RTL4: variants seen among roughly 807,000 people sequenced by gnomAD.
RTL4 encodes retrotransposon Gag like 4, also known as retrotransposon Gag-like protein 4.
RTL4 carries 4 observed loss-of-function variants against 5.3 expected under a neutral mutation model. The ratio of observed to expected loss-of-function variants is 0.75; its 90% CI spans 0.37 to 1.72. The LOEUF (loss-of-function observed/expected upper bound fraction) is 1.72. Ranked by LOEUF, RTL4 falls within the 40% of genes most tolerant of loss-of-function variation. The pLI, the probability that RTL4 is intolerant of heterozygous loss-of-function variation, is 0.04. For missense variants in RTL4, 260 were observed against 227.1 expected, an observed-to-expected ratio of 1.14 and a Z score of -0.93; for synonymous variants, 98 against 87.3, an observed-to-expected ratio of 1.12 and a Z score of -0.68.
the RTL4 span, among the ~76,000 whole-genome samples, chrX:112,209,691 C>A: frequency 9.0e-6 from 1 of 111,388 alleles, no homozygotes; most frequent in East Asian, 2.8e-4. Context: ...CACGTATATA[C>A]CACTTCCATT....
the RTL4 span, among the ~76,000 whole-genome samples, chrX:112,117,213 A>G: frequency 1.8e-5 from 2 of 110,250 alleles, no homozygotes; most frequent in Non-Finnish European, 3.8e-5. Flanking sequence ...GTTATATGGT[A>G]AATACACTAT....
the RTL4 span, among the ~76,000 whole-genome samples, chrX:112,182,959 C>T: frequency 7.1e-5 from 8 of 112,022 alleles, no homozygotes; most frequent in Non-Finnish European, 1.3e-4. Flanking sequence ...AGACTAACAG[C>T]GGATCTCTGC....
the RTL4 span, among the ~76,000 whole-genome samples, chrX:112,140,318 A>C: frequency 2.7e-5 from 3 of 111,804 alleles, no homozygotes; most frequent in African/African-American, 9.8e-5. Flanking sequence ...AAATGGTATG[A>C]AAAATGAATA....
chrX:112,161,798 TTCCTTCCTTCCTTCCTTCC>T, the RTL4 span, among the ~76,000 whole-genome samples: 2 of 33,342 alleles, frequency 6.0e-5, no homozygotes, highest in African/African-American at 2.4e-4. Context: ...TCTTCCTTCC[TTCCTTCCTTCCTTCCTTCC>T]TTCCTTCCTT....
the RTL4 span, among the ~76,000 whole-genome samples, chrX:112,111,282 A>T: frequency 1.7e-3 from 136 of 78,607 alleles, no homozygotes; most frequent in African/African-American, 2.5e-3. Context: ...TTTCTCTCCG[A>T]CTCCCTCTTT....
the RTL4 span, among the ~76,000 whole-genome samples, chrX:112,357,766 T>A: frequency 2.7e-5 from 3 of 111,959 alleles, no homozygotes; most frequent in African/African-American, 6.5e-5. Flanking sequence ...TGGCTACTAA[T>A]GTCATGGCTA....
the RTL4 span, among the ~76,000 whole-genome samples, chrX:112,370,018 G>T: frequency 2.3e-4 from 26 of 111,924 alleles, no homozygotes; most frequent in Admixed American, 2.8e-4. Flanking sequence ...GTTTAGTTTT[G>T]AACTTGGTTT....
At chrX:112,128,758 G>A in the RTL4 span, among the ~76,000 whole-genome samples, 17 of 108,418 alleles carry the variant, frequency 1.6e-4, no homozygotes, top group East Asian at 3.8e-3. Context: ...CCTAATATAA[G>A]AGATAAACTA....
At chrX:112,198,280 A>C in the RTL4 span, among the ~76,000 whole-genome samples, 3 of 111,847 alleles carry the variant, frequency 2.7e-5, no homozygotes, top group Non-Finnish European at 5.6e-5. Flanking sequence ...ACTAGTATAT[A>C]AGCTTCATGA....
At chrX:112,095,140 T>A in the RTL4 span, among the ~76,000 whole-genome samples, 664 of 111,572 alleles carry the variant, frequency 6.0e-3, 7 homozygotes, top group African/African-American at 0.02. Context: ...CCTCTTCCAT[T>A]ATAACATGAA....
At chrX:112,331,944 T>G in the RTL4 span, among the ~76,000 whole-genome samples, 1 of 89,209 alleles carries the variant, frequency 1.1e-5, no homozygotes, top group Non-Finnish European at 2.1e-5. Context: ...CACTCATAGG[T>G]GGGAATTGAA....
At chrX:112,235,052 C>T in the RTL4 span, among the ~76,000 whole-genome samples, 3 of 111,241 alleles carry the variant, frequency 2.7e-5, no homozygotes, top group African/African-American at 9.8e-5. Context: ...AGGTGGCTTT[C>T]CTTCCCTTTT....
chrX:112,382,058 T>A, the RTL4 span: 156 of 1,208,605 alleles, frequency 1.3e-4, 1 homozygote, highest in African/African-American at 2.4e-3. Flanking sequence ...TCAAAGCCAC[T>A]TAGAAAACAG....
the RTL4 span, chrX:112,382,336 A>G: frequency 3.2e-5 from 16 of 507,163 alleles, no homozygotes; most frequent in African/African-American, 4.8e-5. Context: ...AATCTCTATC[A>G]TGATGTGTTG....
chrX:112,310,375 T>C, the RTL4 span, among the ~76,000 whole-genome samples: 3 of 8,377 alleles, frequency 3.6e-4, no homozygotes, highest in Non-Finnish European at 5.9e-4. Flanking sequence ...TATACATATA[T>C]ATATATATAT....
At chrX:112,096,597 A>G in the RTL4 span, among the ~76,000 whole-genome samples, 1 of 111,728 alleles carries the variant, frequency 9.0e-6, no homozygotes, top group South Asian at 3.8e-4. Context: ...TATTATATAC[A>G]GAATGACCCA....
chrX:112,359,788 C>T, the RTL4 span, among the ~76,000 whole-genome samples: 1 of 111,116 alleles, frequency 9.0e-6, no homozygotes, highest in Admixed American at 9.6e-5. Context: ...TTTATAGGTT[C>T]CCTGAAGCCA....
At chrX:112,383,526 A>G in the RTL4 span, among the ~76,000 whole-genome samples, 1 of 112,429 alleles carries the variant, frequency 8.9e-6, no homozygotes, top group African/African-American at 3.2e-5. Flanking sequence ...TTTATTAAAC[A>G]ATGTTATTAA....
At chrX:112,450,392 A>G (rs1468169958), upstream of RTL4, among the ~76,000 whole-genome samples, 2 of 112,225 alleles carry the variant, frequency 1.8e-5, no homozygotes, top group Non-Finnish European at 3.8e-5. Context: ...GTCCGAGCTC[A>G]CAAGTCTGAT....
Sources: allele counts gnomAD v4.1 joint callset (sites outside exome capture counted in the v4.1 genomes callset), GRCh38; gene constraint gnomAD v4.1.1; transcripts MANE v1.5; gene names NCBI Gene and HGNC (gene_info 2026-07-23, HGNC 2026-07-21).